Variants in LRFN5 observed in about 807,000 individuals in gnomAD.
The protein encoded by LRFN5 is leucine-rich repeat and fibronectin type-III domain-containing protein 5.
LRFN5 carries 24 observed loss-of-function variants against 45.6 expected under a neutral mutation model. That is an observed-to-expected ratio of 0.53 (90% CI 0.38 to 0.74). The LOEUF (loss-of-function observed/expected upper bound fraction) is 0.74, where lower values mean the gene tolerates loss of function less well. LRFN5 is among the 30% of genes least tolerant of loss of function. The pLI is 0.00. For missense variants in LRFN5, 776 were observed against 861.5 expected, an observed-to-expected ratio of 0.90 and a Z score of 1.24; for synonymous variants, 340 against 313.8, an observed-to-expected ratio of 1.08 and a Z score of -0.88.
At chr14:41,831,047 G>A (rs1888459567) in intron 2 of LRFN5, among the ~76,000 whole-genome samples, 1 of 152,066 alleles carries the variant, frequency 6.6e-6, no homozygotes, top group Non-Finnish European at 1.5e-5. Flanking sequence ...CACCACTCTT[G>A]TCACTCTTAA....
At chr14:41,804,812 C>T (rs1887462558) in intron 2 of LRFN5, among the ~76,000 whole-genome samples, 1 of 152,094 alleles carries the variant, frequency 6.6e-6, no homozygotes, top group Non-Finnish European at 1.5e-5. Flanking sequence ...GATTTATTCT[C>T]TTATTTTCTT....
At chr14:41,737,031 T>C (rs1295456707) in intron 1 of LRFN5, among the ~76,000 whole-genome samples, 3 of 152,118 alleles carry the variant, frequency 2.0e-5, no homozygotes, top group Non-Finnish European at 4.4e-5. Context: ...TACCAAAACC[T>C]GGCAGAAACA....
chr14:41,800,384 T>A (rs1272908169), intron 2 of LRFN5, among the ~76,000 whole-genome samples: 1 of 152,024 alleles, frequency 6.6e-6, no homozygotes, highest in Admixed American at 6.6e-5. Context: ...TCCTCAAGTA[T>A]AACTAAACTA....
At chr14:41,710,571 T>A (rs1883239248) in intron 1 of LRFN5, among the ~76,000 whole-genome samples, 1 of 150,184 alleles carries the variant, frequency 6.7e-6, no homozygotes, top group Non-Finnish European at 1.5e-5. Flanking sequence ...TGATCTACTT[T>A]AGATTGAAAA....
At chr14:41,863,110 C>T (rs1011141103) in intron 2 of LRFN5, among the ~76,000 whole-genome samples, 2 of 152,074 alleles carry the variant, frequency 1.3e-5, no homozygotes, top group African/African-American at 4.8e-5. Context: ...GTGATCCGCC[C>T]GCCTCAGCCT....
chr14:41,901,669 T>G (rs943702851), intron 5 of LRFN5, among the ~76,000 whole-genome samples: 3 of 152,050 alleles, frequency 2.0e-5, no homozygotes, highest in African/African-American at 2.4e-5. Flanking sequence ...CTAATATTGA[T>G]TATGAATACA....
intron 2 of LRFN5, among the ~76,000 whole-genome samples, chr14:41,780,420 A>C (rs893378241): frequency 1.3e-5 from 2 of 151,982 alleles, no homozygotes; most frequent in African/African-American, 2.4e-5. Context: ...CAGCTTTCTC[A>C]TTACTAAATG....
chr14:41,822,618 T>C (rs1445212643), intron 2 of LRFN5, among the ~76,000 whole-genome samples: 1 of 152,022 alleles, frequency 6.6e-6, no homozygotes, highest in African/African-American at 2.4e-5. Flanking sequence ...AAATGTATAT[T>C]CTGTTGTTGG....
At chr14:41,732,433 A>G (rs1254166003) in intron 1 of LRFN5, among the ~76,000 whole-genome samples, 1 of 152,128 alleles carries the variant, frequency 6.6e-6, no homozygotes, top group South Asian at 2.1e-4. Context: ...GACATTGATA[A>G]CTAAAATATT....
intron 2 of LRFN5, among the ~76,000 whole-genome samples, chr14:41,867,951 A>C (rs1889895301): frequency 6.6e-6 from 1 of 152,112 alleles, no homozygotes; most frequent in African/African-American, 2.4e-5. Flanking sequence ...AGTGTAGGAC[A>C]GATCTCCTGA....
At chr14:41,860,977 A>G (rs1889640220) in intron 2 of LRFN5, among the ~76,000 whole-genome samples, 2 of 152,210 alleles carry the variant, frequency 1.3e-5, no homozygotes, top group Non-Finnish European at 2.9e-5. Context: ...TTATAAGAAA[A>G]GTAATTCTGC....
intron 1 of LRFN5, among the ~76,000 whole-genome samples, chr14:41,695,777 C>T (rs1882583861): frequency 6.6e-6 from 1 of 151,968 alleles, no homozygotes; most frequent in Admixed American, 6.6e-5. Flanking sequence ...CCTAGTCACC[C>T]AAGAGCTCTG....
chr14:41,797,734 T>C (rs1299757364), intron 2 of LRFN5, among the ~76,000 whole-genome samples: 1 of 151,782 alleles, frequency 6.6e-6, no homozygotes, highest in Non-Finnish European at 1.5e-5. Flanking sequence ...CATCTATCTG[T>C]CTGTTCATCT....
intron 1 of LRFN5, among the ~76,000 whole-genome samples, chr14:41,750,624 G>A (rs1885091602): frequency 6.6e-6 from 1 of 152,106 alleles, no homozygotes; most frequent in South Asian, 2.1e-4. Flanking sequence ...GCTAATGCAT[G>A]TGTATTAGTC....
intron 2 of LRFN5, among the ~76,000 whole-genome samples, chr14:41,786,885 TA>T (rs1201006553): frequency 1.3e-5 from 2 of 152,092 alleles, no homozygotes; most frequent in Admixed American, 6.6e-5. Context: ...TGACATTCTT[TA>T]AACCTTTCTT....
At chr14:41,806,649 G>A (rs779034148) in intron 2 of LRFN5, among the ~76,000 whole-genome samples, 7 of 152,114 alleles carry the variant, frequency 4.6e-5, no homozygotes, top group Non-Finnish European at 8.8e-5. Context: ...ATTGGAACAC[G>A]GTATGATTGA....
At chr14:41,745,958 CTT>C (rs1236973222) in intron 1 of LRFN5, among the ~76,000 whole-genome samples, 1 of 151,970 alleles carries the variant, frequency 6.6e-6, no homozygotes, top group Non-Finnish European at 1.5e-5. Flanking sequence ...TAACACTAAT[CTT>C]TCTCAAATGG....
rs1207316944 is a variant in LRFN5, at chr14:41,887,802, G to A, written c.1177G>A (p.Gly393Ser). 1 of 1,613,722 alleles carries A rather than the reference G, an allele frequency of 6.2e-7. No homozygotes were observed. Among genetic ancestry groups the A allele is most frequent in the East Asian group, 2.2e-5 (1 of 44,866 alleles). The change falls in exon 3 of 6, where the codon GGT (glycine) becomes AGT (serine). Residue 393 changes from glycine (G) to serine (S), a missense_variant. Around this residue, in one of 2 missense-constraint regions of LRFN5, gnomAD observed 465 missense variants for 456.4 expected, o/e 1.02. Coordinates refer to ENST00000298119, the MANE Select transcript of LRFN5 (RefSeq NM_152447.5). This position sits in a 1 kb window ranked among gnomAD's most constrained non-coding sequence, Gnocchi z 4.8. ...AAACCATATCCATGAGCCTGATCCTGGTTCTTCAGATATCTCAACTTCTAC... is the reference window on the plus strand; with the variant it reads ...AAACCATATCCATGAGCCTGATCCTAGTTCTTCAGATATCTCAACTTCTAC... ...STNHIHEPDP[G>S]SSDISTSTKS...
intron 2 of LRFN5, among the ~76,000 whole-genome samples, chr14:41,776,838 A>C (rs1300342499): frequency 1.3e-5 from 2 of 152,084 alleles, no homozygotes; most frequent in Non-Finnish European, 2.9e-5. Flanking sequence ...GTATTTTAAA[A>C]GTTTATTTTC....
Sources: allele counts gnomAD v4.1 joint callset (sites outside exome capture counted in the v4.1 genomes callset), GRCh38; gene constraint gnomAD v4.1.1; regional missense constraint gnomAD v4.1.1; non-coding constraint Gnocchi (gnomAD v3.1); transcripts MANE v1.5; gene names NCBI Gene and HGNC (gene_info 2026-07-23, HGNC 2026-07-21).